CARS2: variants seen among roughly 807,000 people sequenced by gnomAD.
CARS2 encodes cysteinyl-tRNA synthetase 2, mitochondrial, also known as probable cysteine--tRNA ligase, mitochondrial.
A neutral mutation model predicts 68.8 loss-of-function variants in CARS2; 52 were observed. The observed-to-expected ratio is 0.76, with a 90% CI of 0.61 to 0.95. The LOEUF (loss-of-function observed/expected upper bound fraction) is 0.95, where lower values mean the gene tolerates loss of function less well. Ranked by LOEUF, CARS2 falls within the 40% of genes least tolerant of loss-of-function variation. The pLI is 0.00. For synonymous variants in CARS2, 314 were observed against 303.6 expected, an observed-to-expected ratio of 1.03 and a Z score of -0.36; for missense variants, 780 against 754.2, an observed-to-expected ratio of 1.03 and a Z score of -0.40.
chr13:110,649,937 T>G lies in CARS2; in HGVS notation c.1054+1097A>C, dbSNP rs1039075036. On this transcript the variant is annotated intron_variant, in intron 10 of 14. Coordinates refer to ENST00000257347, the MANE Select transcript of CARS2 (RefSeq NM_024537.4). ...ATGCAGCTCTGGATAACGACTTTTT[T>G]TTTTTTTTTTTTTTTTTTGAGACAG... Among the ~76,000 whole-genome samples the G allele has an allele frequency of 1.3e-4, 18 of 139,326 alleles. 1 individual carries two copies. The South Asian group carries it at 2.6e-3, about 20-fold the overall frequency. The allele number at this position is 139,326 out of a possible 152,430, so 91.4% of individuals were successfully genotyped here. A position where few individuals can be genotyped will look rare whatever the true frequency, so the allele number is the denominator to read the frequency against.
At position 110,647,185 on chromosome 13, in the gene CARS2, A is replaced by T. The variant is rs1888250085; in HGVS notation, c.1109T>A (p.Leu370Gln). 6.2e-7 allele frequency: 1 copy of T among 1,613,238 alleles called. No individual in the cohort carries two copies. The change falls in exon 11 of 15, where the codon CTG becomes CAG. Residue 370 changes from leucine (L) to glutamine (Q), a missense_variant. Leu to Gln is a moderately radical substitution (Grantham distance 113). Transcript: ENST00000257347. ...ACGTGCGTCCTCCAGGAAAGAGCCC[A>T]GCCCCAGGAGCAGCTGCTGAGCTTG... is the stretch of plus-strand genomic sequence containing the variant. The part of the protein sequence containing the change: ...MLQAQQLLLG[L>Q]GSFLEDARAY...
chr13:110,698,820 A>G (rs967839750), intron 3 of CARS2, among the ~76,000 whole-genome samples: 1 of 152,154 alleles, frequency 6.6e-6, no homozygotes, highest in Admixed American at 6.6e-5. Context: ...CCTGGGCAAC[A>G]TAGTGAAACC....
intron 13 of CARS2, chr13:110,643,904 C>T (rs913404359): frequency 2.8e-5 from 8 of 288,664 alleles, no homozygotes; most frequent in South Asian, 1.5e-4. Context: ...AGCCTGGCAG[C>T]GTCCACCTTC....
intron 3 of CARS2, among the ~76,000 whole-genome samples, chr13:110,690,720 T>C (rs966445074): frequency 2.0e-5 from 3 of 152,202 alleles, no homozygotes; most frequent in Non-Finnish European, 4.4e-5. Flanking sequence ...CACAGGCTCA[T>C]GGACTTGGCC....
At chr13:110,660,763 C>CT (rs201474441) in intron 9 of CARS2, among the ~76,000 whole-genome samples, 3,321 of 132,812 alleles carry the variant, frequency 0.025, 186 homozygotes, top group African/African-American at 0.082. Context: ...TAGCATAATT[C>CT]TTTTTTTTTT....
At chr13:110,698,179 A>C (rs2063678078) in intron 3 of CARS2, among the ~76,000 whole-genome samples, 1 of 152,156 alleles carries the variant, frequency 6.6e-6, no homozygotes, top group African/African-American at 2.4e-5. Flanking sequence ...CTATAATTCA[A>C]ATCTCACTGA....
intron 7 of CARS2, among the ~76,000 whole-genome samples, chr13:110,671,086 G>A (rs1029353098): frequency 6.6e-6 from 1 of 152,130 alleles, no homozygotes; most frequent in African/African-American, 2.4e-5. Context: ...ATCTGCGTCT[G>A]ATTGGTGTAC....
At chr13:110,657,864 T>C (rs565794932) in intron 9 of CARS2, among the ~76,000 whole-genome samples, 1 of 152,344 alleles carries the variant, frequency 6.6e-6, no homozygotes, top group African/African-American at 2.4e-5. Flanking sequence ...AAACTCACCA[T>C]CATGAATCGT....
chr13:110,644,632 C>T, intron 12 of CARS2, 149 bp from the exon 13 acceptor site: 1 of 1,353,172 alleles, frequency 7.4e-7, no homozygotes, highest in South Asian at 1.5e-5. Flanking sequence ...ACAGCTCTGG[C>T]ATCGGCTACC....
intron 5 of CARS2, among the ~76,000 whole-genome samples, chr13:110,684,439 C>T (rs1285871226): frequency 2.6e-5 from 4 of 151,824 alleles, no homozygotes; most frequent in African/African-American, 9.7e-5. Context: ...CCCTCCTGTC[C>T]TCTGGTTCAT....
chr13:110,681,624 C>T (rs56085843), intron 6 of CARS2, among the ~76,000 whole-genome samples: 4,750 of 152,186 alleles, frequency 0.031, 236 homozygotes, highest in African/African-American at 0.1. Flanking sequence ...AAAACCTGCA[C>T]GTGGATGTTT....
upstream of CARS2, among the ~76,000 whole-genome samples, chr13:110,710,314 G>A (rs1230262126): frequency 6.6e-6 from 1 of 152,112 alleles, no homozygotes; most frequent in Non-Finnish European, 1.5e-5. Context: ...CCCGGGAGGC[G>A]GAGGTTGCAG....
chr13:110,677,558 G>A (rs1357520708), intron 6 of CARS2, among the ~76,000 whole-genome samples: 3 of 94,102 alleles, frequency 3.2e-5, no homozygotes, highest in African/African-American at 4.4e-5. Context: ...ACCCCGCCAC[G>A]GAAACCCAGA....
At chr13:110,706,228 C>G (rs2063955848), upstream of CARS2, 4 of 551,548 alleles carry the variant, frequency 7.3e-6, no homozygotes, top group East Asian at 1.8e-4. Flanking sequence ...AAGCAGTCCT[C>G]AGGTAGCGCC....
At chr13:110,644,249 G>A (rs1887791716) in intron 13 of CARS2, 136 bp downstream of exon 13, 8 of 1,387,058 alleles carry the variant, frequency 5.8e-6, no homozygotes, top group East Asian at 2.5e-5. Flanking sequence ...ATTTTTCCAG[G>A]AAAGTAACAT....
At chr13:110,713,476 G>A in exon 1 of CARS2, 2 of 989,146 alleles carry the variant, frequency 2.0e-6, no homozygotes, top group Non-Finnish European at 2.4e-6. Context: ...CCACACCCCA[G>A]CGGCCCTGAC....
At chr13:110,700,491 AGAT>A (rs547326855) in intron 3 of CARS2, among the ~76,000 whole-genome samples, 33 of 152,360 alleles carry the variant, frequency 2.2e-4, no homozygotes, top group Non-Finnish European at 4.0e-4. Context: ...AACAGAGAGA[AGAT>A]GATGGCCCAA....
chr13:110,658,326 A>AT (rs1466920732), intron 9 of CARS2, among the ~76,000 whole-genome samples: 1 of 152,192 alleles, frequency 6.6e-6, no homozygotes, highest in African/African-American at 2.4e-5. Flanking sequence ...AGCAGCCAAA[A>AT]TCATAGAAAC....
chr13:110,642,238 G>T, intron 14 of CARS2, 77 bp downstream of exon 14: 1 of 1,127,872 alleles, frequency 8.9e-7, no homozygotes, highest in Non-Finnish European at 1.3e-6. Flanking sequence ...GGGGATGTCT[G>T]GGCCTCTGAT....
Sources: gnomAD v4.1 joint callset for allele counts (sites outside exome capture counted in the v4.1 genomes callset) on GRCh38, gnomAD v4.1.1 for gene constraint, MANE v1.5 for transcripts, NCBI Gene and HGNC (gene_info 2026-07-23, HGNC 2026-07-21) for gene names.